Variants in TMEM273 observed in about 807,000 individuals in gnomAD.
TMEM273 encodes chromosome 10 open reading frame 128.
TMEM273 carries 19 observed loss-of-function variants against 17.9 expected under a neutral mutation model. That is an observed-to-expected ratio of 1.06 (90% CI 0.74 to 1.55). The LOEUF (loss-of-function observed/expected upper bound fraction) is 1.55, where lower values mean the gene tolerates loss of function less well. TMEM273 is among the 40% of genes most tolerant of loss of function. The probability of loss-of-function intolerance (pLI) is 0.00; values close to 1 mark genes in which losing one functional copy is unlikely to be tolerated. For synonymous variants in TMEM273, 66 were observed against 62.0 expected, an observed-to-expected ratio of 1.07 and a Z score of -0.31; for missense variants, 194 against 155.6, an observed-to-expected ratio of 1.25 and a Z score of -1.31.
chr10:49,187,434 C>T (rs1847794810), intron 1 of TMEM273, among the ~76,000 whole-genome samples: 1 of 152,218 alleles, frequency 6.6e-6, no homozygotes, highest in Admixed American at 6.5e-5. Context: ...AATCTGGAGA[C>T]AGACTGCTTC....
In TMEM273 at chr10:49,176,814, G is replaced by A. The variant is rs7922892; in HGVS notation, c.44-8852C>T. On this transcript the variant is annotated intron_variant, in intron 1 of 6. Coordinates refer to ENST00000374153, the MANE Select transcript of TMEM273 (RefSeq NM_001288740.3). Reference sequence around the variant, plus strand: ...CTCCACTTACCGGGACAGATCATTCGTAAACCCTGCGAGGCACCAGCATCC... The same window carrying A: ...CTCCACTTACCGGGACAGATCATTCATAAACCCTGCGAGGCACCAGCATCC... Among the ~76,000 whole-genome samples the A allele has an allele frequency of 9.5e-4, 144 of 152,302 alleles. 1 individual carries two copies. Among genetic ancestry groups the A allele is most frequent in the Non-Finnish European group, 1.4e-3 (96 of 68,042 alleles).
At chr10:49,176,793 A>G (rs1288580568) in intron 1 of TMEM273, among the ~76,000 whole-genome samples, 1 of 152,176 alleles carries the variant, frequency 6.6e-6, no homozygotes, top group Non-Finnish European at 1.5e-5. Flanking sequence ...ATCAGCCTCC[A>G]CTTACCGGGA....
In TMEM273 at chr10:49,164,682, T is replaced by C. The variant is rs553353356; in HGVS notation, c.348+523A>G. 9.2e-5 allele frequency among the ~76,000 whole-genome samples: 14 copies of C among 152,358 alleles called. No individual in the cohort carries two copies. In the South Asian group the frequency reaches 2.9e-3, roughly 32 times the overall value. ...TGTCAGCGGCAGGTTTTACCCATGA[T>C]GCCTACATATACTAGGGTTCCCTCT... On this transcript the variant is annotated intron_variant, in intron 5 of 6. Coordinates refer to ENST00000374153, the MANE Select transcript of TMEM273 (RefSeq NM_001288740.3).
intron 1 of TMEM273, among the ~76,000 whole-genome samples, chr10:49,185,459 C>A: frequency 6.6e-6 from 1 of 151,996 alleles, no homozygotes; most frequent in Non-Finnish European, 1.5e-5. Context: ...GGTCACCCAC[C>A]CTCACAGACC....
chr10:49,165,973 C>T (rs1182508286), intron 3 of TMEM273, among the ~76,000 whole-genome samples, 177 bp from the exon 4 acceptor site: 2 of 152,154 alleles, frequency 1.3e-5, no homozygotes, highest in African/African-American at 4.8e-5. Flanking sequence ...TGTGGGGATA[C>T]ACAAGGATAA....
rs757227022 is a variant in TMEM273 at position 49,166,802 on chromosome 10, A to G, written c.238+67T>C. ...TGGGTTCATTCTTGCTGTAGCCAGC[A>G]TCACAGAGTGGCCCTCGGTGCCTCG... On this transcript the variant is annotated intron_variant, in intron 3 of 6. Transcript: ENST00000374153. The G allele has an allele frequency of 2.5e-6, 4 of 1,601,142 alleles. No homozygotes were observed. The Admixed American group carries it at 6.7e-5, about 27-fold the overall frequency.
chr10:49,188,188 G>C, intron 1 of TMEM273, 106 bp downstream of exon 1: 1 of 1,249,660 alleles, frequency 8.0e-7, no homozygotes, highest in East Asian at 2.3e-5. Context: ...CTGTGTAAAG[G>C]GACAGAGTTA....
intron 6 of TMEM273, among the ~76,000 whole-genome samples, chr10:49,158,228 G>T (rs535685867): frequency 7.3e-5 from 11 of 151,192 alleles, no homozygotes; most frequent in African/African-American, 2.7e-4. Context: ...ACTTAACATC[G>T]TAAAGAAGTA....
At chr10:49,165,617 T>G in intron 4 of TMEM273, 149 bp downstream of exon 4, 1 of 1,258,220 alleles carries the variant, frequency 7.9e-7, no homozygotes, top group Non-Finnish European at 1.1e-6. Flanking sequence ...GAGGAGAGAG[T>G]GTAAGGAGGG....
rs1846139010 is a variant in TMEM273, at chr10:49,165,778, T to C, written c.257A>G (p.Lys86Arg). Residue 86 changes from lysine to arginine, a missense_variant, in exon 4 of 7, where the codon AAG becomes AGG. Physicochemically the swap from Lys to Arg is conservative, Grantham distance 26. Coordinates refer to ENST00000374153, the MANE Select transcript of TMEM273 (RefSeq NM_001288740.3). ...GGLSDTIPLK[K>R]RAPRKLQAST... ...GCAGTGACCTTACCTTGGGGCTCTC[T>C]TCTTTAGCGGGATGGTGTCTAAACA... 1.2e-6 allele frequency: 2 copies of C among 1,614,082 alleles called. No homozygotes were observed. Among genetic ancestry groups the C allele is most frequent in the Non-Finnish European group, 1.7e-6 (2 of 1,180,026 alleles).
intron 5 of TMEM273, among the ~76,000 whole-genome samples, chr10:49,164,993 A>G (rs994629275): frequency 2.6e-5 from 4 of 152,206 alleles, no homozygotes; most frequent in Admixed American, 2.6e-4. Context: ...ATATGCAAGT[A>G]TCCACTTTGT....
chr10:49,185,805 C>A (rs562821911), intron 1 of TMEM273, among the ~76,000 whole-genome samples: 2 of 151,848 alleles, frequency 1.3e-5, no homozygotes, highest in Non-Finnish European at 2.9e-5. Context: ...ATGGAGAAGC[C>A]GCATCTCTAC....
chr10:49,160,769 G>C (rs900650976), intron 6 of TMEM273: 2 of 152,138 alleles, frequency 1.3e-5, no homozygotes, highest in African/African-American at 4.8e-5. Flanking sequence ...AGTCAAAAAA[G>C]GCTTATGTAC....
intron 1 of TMEM273, among the ~76,000 whole-genome samples, chr10:49,168,738 G>T (rs1846364422): frequency 1.3e-5 from 2 of 151,776 alleles, no homozygotes; most frequent in Non-Finnish European, 2.9e-5. Flanking sequence ...AGGAAGGAAA[G>T]AAAGAAGGAA....
intron 1 of TMEM273, among the ~76,000 whole-genome samples, chr10:49,170,004 C>T (rs1846452793): frequency 6.6e-6 from 1 of 152,256 alleles, no homozygotes; most frequent in Non-Finnish European, 1.5e-5. Flanking sequence ...CGCCCTCCCC[C>T]TGCCACACTA....
chr10:49,178,292 A>T, intron 1 of TMEM273: 1 of 457,188 alleles, frequency 2.2e-6, no homozygotes, highest in Middle Eastern at 3.2e-4. Context: ...CACCTGTCCC[A>T]TTCTTGCAGA....
intron 1 of TMEM273, among the ~76,000 whole-genome samples, chr10:49,183,097 C>A (rs1428798641): frequency 6.6e-6 from 1 of 152,146 alleles, no homozygotes; most frequent in Non-Finnish European, 1.5e-5. Flanking sequence ...CAGTTGGTCA[C>A]CCCCGCCATA....
chr10:49,168,017 G>A (rs867336470), intron 1 of TMEM273, 55 bp from the exon 2 acceptor site: 11 of 1,607,544 alleles, frequency 6.8e-6, no homozygotes, highest in Middle Eastern at 1.6e-4. Context: ...TGTGGTCCCA[G>A]CTACCCAGTC....
chr10:49,185,390 C>A (rs1017100194), intron 1 of TMEM273, among the ~76,000 whole-genome samples: 1 of 151,940 alleles, frequency 6.6e-6, no homozygotes, highest in Non-Finnish European at 1.5e-5. Context: ...ACAGAGAGTG[C>A]CCCCATAGCC....
Sources: gnomAD v4.1 joint callset for allele counts (sites outside exome capture counted in the v4.1 genomes callset) on GRCh38, gnomAD v4.1.1 for gene constraint, MANE v1.5 for transcripts, NCBI Gene and HGNC (gene_info 2026-07-23, HGNC 2026-07-21) for gene names.